The following BMPR1B variants were observed in gnomAD, a reference collection of about 807,000 sequenced individuals.
BMPR1B encodes the protein bone morphogenetic protein receptor type-1B.
In BMPR1B, 12 loss-of-function variants were observed where a neutral mutation model predicts 59.1. The observed-to-expected ratio is 0.20, with a 90% CI of 0.13 to 0.33. The LOEUF (loss-of-function observed/expected upper bound fraction) is 0.33. BMPR1B is among the 10% of genes least tolerant of loss of function. BMPR1B has a pLI of 1.00. For synonymous variants in BMPR1B, 237 were observed against 207.3 expected (o/e 1.14, Z -1.23); for missense variants, 550 against 610.9 (o/e 0.90, Z 1.05).
At chr4:95,078,396 A>G (rs574392120) in intron 3 of BMPR1B, among the ~76,000 whole-genome samples, 5 of 152,212 alleles carry the variant, frequency 3.3e-5, no homozygotes, top group Non-Finnish European at 7.3e-5. Flanking sequence ...TGGATTTCTG[A>G]TAAATGAATA....
At chr4:94,840,363 A>G (rs1437981837) in intron 1 of BMPR1B, among the ~76,000 whole-genome samples, 4 of 148,214 alleles carry the variant, frequency 2.7e-5, no homozygotes, top group Admixed American at 6.7e-5. Flanking sequence ...GTGTTTTTCA[A>G]CTTGGTTCCA....
At chr4:94,957,501 C>T (rs537443099) in intron 2 of BMPR1B, among the ~76,000 whole-genome samples, 116 of 151,708 alleles carry the variant, frequency 7.6e-4, no homozygotes, top group African/African-American at 2.6e-3. Context: ...TTTCATGTGC[C>T]CTTTTTTCTT....
chr4:94,846,575 A>G (rs1185760006), intron 1 of BMPR1B, among the ~76,000 whole-genome samples: 3 of 152,264 alleles, frequency 2.0e-5, no homozygotes, highest in East Asian at 1.9e-4. Context: ...GCCCTTGAAC[A>G]TCGGACTCCA....
At chr4:94,937,968 G>A (rs1729383412) in intron 2 of BMPR1B, among the ~76,000 whole-genome samples, 1 of 152,118 alleles carries the variant, frequency 6.6e-6, no homozygotes, top group Non-Finnish European at 1.5e-5. Flanking sequence ...ATTTCATATA[G>A]GTTTAGTGTA....
intron 2 of BMPR1B, among the ~76,000 whole-genome samples, chr4:94,970,427 T>C (rs747339269): frequency 6.6e-6 from 1 of 152,076 alleles, no homozygotes; most frequent in Non-Finnish European, 1.5e-5. Flanking sequence ...GCTATTCTCC[T>C]GCCTCAGCCT....
intron 1 of BMPR1B, among the ~76,000 whole-genome samples, chr4:94,823,741 C>G (rs1724285971): frequency 1.1e-5 from 1 of 90,194 alleles, no homozygotes; most frequent in East Asian, 3.8e-4. Context: ...TTTTTAGTAT[C>G]CTTTTGGTTT....
Position 95,117,012 on chromosome 4 carries a change from T to C in BMPR1B, c.349+1225T>C, listed in dbSNP as rs138022511. 1.9e-3 allele frequency among the ~76,000 whole-genome samples: 287 copies of C among 152,196 alleles called. 1 individual carries two copies. The highest frequency in any genetic ancestry group is 0.017 in the Middle Eastern group (5 of 294). Reference sequence around the variant, plus strand: ...CAATAACTATATTTGTTCAGAAATATCTCATTAGTAGAGTTAGATTATAAA... The same window carrying C: ...CAATAACTATATTTGTTCAGAAATACCTCATTAGTAGAGTTAGATTATAAA... On this transcript the variant is annotated intron_variant, in intron 6 of 12. Transcript: ENST00000515059.
rs1735503704 is a variant in BMPR1B at position 95,157,482 on chromosome 4, G to A, written c.*2809G>A. ...CCAGAAATTAATAATGTTGTTTATTGCTTACTGTCAGGACTATTTCAAAGA... is the reference window on the plus strand; with the variant it reads ...CCAGAAATTAATAATGTTGTTTATTACTTACTGTCAGGACTATTTCAAAGA... On this transcript the variant is annotated 3_prime_UTR_variant, in exon 13 of 13. Coordinates refer to ENST00000515059, the MANE Select transcript of BMPR1B (RefSeq NM_001203.3). 6.6e-6 allele frequency: 1 copy of A among 151,854 alleles called. No homozygotes were observed. Among genetic ancestry groups the A allele is most frequent in the South Asian group, 2.1e-4 (1 of 4,822 alleles). 9.4% of individuals were successfully genotyped at this position (151,854 alleles called of 1,614,324 possible).
chr4:94,964,583 A>G (rs1007842605), intron 2 of BMPR1B, among the ~76,000 whole-genome samples: 1 of 152,176 alleles, frequency 6.6e-6, no homozygotes, highest in South Asian at 2.1e-4. Flanking sequence ...TCTTTCTTCA[A>G]ATAAATCTCA....
At chr4:94,784,247 C>T (rs918337725) in intron 1 of BMPR1B, among the ~76,000 whole-genome samples, 3 of 151,976 alleles carry the variant, frequency 2.0e-5, no homozygotes, top group Non-Finnish European at 4.4e-5. Flanking sequence ...TTCCTATTGT[C>T]AATAAGAGAC....
At chr4:94,887,418 A>G (rs1305672474) in intron 2 of BMPR1B, among the ~76,000 whole-genome samples, 1 of 149,914 alleles carries the variant, frequency 6.7e-6, no homozygotes, top group Non-Finnish European at 1.5e-5. Flanking sequence ...AAAAAAAAAA[A>G]AAAAACAAGA....
intron 2 of BMPR1B, among the ~76,000 whole-genome samples, chr4:94,933,550 A>C (rs781636481): frequency 3.3e-5 from 5 of 152,074 alleles, no homozygotes; most frequent in Non-Finnish European, 7.4e-5. Flanking sequence ...ACTATAAGAC[A>C]TATCTACTGC....
chr4:95,053,358 A>G lies in BMPR1B; in HGVS notation c.-17-51050A>G, dbSNP rs144760617. ...TACTTAATTTATCTTATATCATACT[A>G]TCATAGTGGCTAAGAGTACAAATTC... On this transcript the variant is annotated intron_variant, in intron 3 of 12. Transcript: ENST00000515059. Among the ~76,000 whole-genome samples the G allele has an allele frequency of 3.4e-3, 501 of 147,152 alleles. 1 individual carries two copies. Among genetic ancestry groups the G allele is most frequent in the African/African-American group, 0.012 (481 of 40,334 alleles).
intron 3 of BMPR1B, among the ~76,000 whole-genome samples, chr4:95,085,270 C>T (rs902676689): frequency 6.6e-6 from 1 of 152,038 alleles, no homozygotes; most frequent in Admixed American, 6.6e-5. Context: ...GAGATGGGAT[C>T]CAGCAGACCA....
rs776767674 is a variant in BMPR1B at position 95,129,814 on chromosome 4, AT to A, written c.586-47del. ...CTCTGGAGAAAAAAAGATTAAACAAATCTGTAGCGCTGTGAATACACTAACA... is the reference window on the plus strand; with the variant it reads ...CTCTGGAGAAAAAAAGATTAAACAAACTGTAGCGCTGTGAATACACTAACA... On this transcript the variant is annotated intron_variant, in intron 8 of 12. Coordinates refer to ENST00000515059, the MANE Select transcript of BMPR1B (RefSeq NM_001203.3). The A allele has an allele frequency of 6.3e-6, 10 of 1,590,152 alleles. No individual in the cohort carries two copies. In the East Asian group the frequency reaches 2.2e-4, roughly 36 times the overall value.
intron 3 of BMPR1B, among the ~76,000 whole-genome samples, chr4:95,044,061 C>T (rs1284255988): frequency 6.6e-6 from 1 of 151,996 alleles, no homozygotes; most frequent in African/African-American, 2.4e-5. Flanking sequence ...GAAATATATA[C>T]TTAATAAAAT....
At chr4:94,807,662 G>C (rs1178112690) in intron 1 of BMPR1B, among the ~76,000 whole-genome samples, 1 of 152,134 alleles carries the variant, frequency 6.6e-6, no homozygotes, top group Non-Finnish European at 1.5e-5. Context: ...GTTTAATTGA[G>C]CTTTGTTTTA....
chr4:94,766,058 G>C (rs1721956200), intron 1 of BMPR1B, among the ~76,000 whole-genome samples: 1 of 152,142 alleles, frequency 6.6e-6, no homozygotes. Context: ...AAAGTGTTTA[G>C]AACAGTGATA....
intron 1 of BMPR1B, among the ~76,000 whole-genome samples, chr4:94,840,658 ATTC>A (rs1207374466): frequency 6.8e-6 from 1 of 146,090 alleles, no homozygotes; most frequent in Non-Finnish European, 1.5e-5. Flanking sequence ...GTAGTTATAC[ATTC>A]TTCTAAATTT....
Sources: gnomAD v4.1 joint callset for allele counts (sites outside exome capture counted in the v4.1 genomes callset) on GRCh38, gnomAD v4.1.1 for gene constraint, MANE v1.5 for transcripts, NCBI Gene and HGNC (gene_info 2026-07-23, HGNC 2026-07-21) for gene names.